BTBD8: variants seen among roughly 807,000 people sequenced by gnomAD.
BTBD8 encodes BTB domain containing 8.
A neutral mutation model predicts 162.9 loss-of-function variants in BTBD8; 110 were observed. The ratio of observed to expected loss-of-function variants is 0.68; its 90% CI spans 0.58 to 0.79. The LOEUF (loss-of-function observed/expected upper bound fraction) is 0.79. Among genes scored for constraint, BTBD8 ranks in the 30% least tolerant of loss-of-function variants. BTBD8 has a pLI of 0.00. For synonymous variants in BTBD8, 667 were observed against 716.1 expected, an observed-to-expected ratio of 0.93 and a Z score of 1.10; for missense variants, 1,905 against 2,085.4, an observed-to-expected ratio of 0.91 and a Z score of 1.68.
chr1:92,117,585 C>T (rs910967981), intron 4 of BTBD8, among the ~76,000 whole-genome samples: 14 of 151,920 alleles, frequency 9.2e-5, no homozygotes, highest in African/African-American at 3.4e-4. Context: ...CTTTGCCAGG[C>T]TTTGTGTAGT....
chr1:92,097,992 G>T (rs1312358852), intron 2 of BTBD8, among the ~76,000 whole-genome samples: 1 of 152,168 alleles, frequency 6.6e-6, no homozygotes, highest in Non-Finnish European at 1.5e-5. Context: ...CTGAAATGTT[G>T]CCAACAAGGG....
rs1650207366 is a variant in BTBD8, at chr1:92,158,373, TC to T, written c.1123-8584del. 8.0e-5 allele frequency among the ~76,000 whole-genome samples: 12 copies of T among 149,536 alleles called. No homozygotes were observed. The Admixed American group carries it at 8.0e-4, about 10-fold the overall frequency. The stretch of plus-strand genomic sequence containing the variant: ...TTAATATTGATATACTAAATTTTTT[TC>T]TCTTTTTTGGTATAACTTCTATATG... On this transcript the variant is annotated intron_variant, in intron 9 of 17. Coordinates refer to ENST00000636805, the MANE Select transcript of BTBD8 (RefSeq NM_001376131.1).
chr1:92,091,227 C>G (rs1648288345), intron 2 of BTBD8, among the ~76,000 whole-genome samples: 1 of 152,142 alleles, frequency 6.6e-6, no homozygotes, highest in Non-Finnish European at 1.5e-5. Flanking sequence ...AGCACCTCCT[C>G]CTTGTTCTCT....
In BTBD8 at chr1:92,181,181, G is replaced by A. The variant is rs916766138; in HGVS notation, c.3498G>A (p.Ser1166=). The change falls in exon 17 of 18, where the codon TCG becomes TCA. Residue 1166 remains serine (S), a synonymous_variant. Transcript: ENST00000636805. ...ATTCTGCTCAAGAAGACAAAAAATC[G>A]AAAGTTCCTGTGGAAGGACTGACAA... ...TLNSAQEDKK[S]KVPVEGLTIP... 6.4e-6 allele frequency: 10 copies of A among 1,551,668 alleles called. No homozygotes were observed. Among genetic ancestry groups the A allele is most frequent in the East Asian group, 2.4e-5 (1 of 40,928 alleles).
chr1:92,183,583 G>C (rs1269734330), intron 17 of BTBD8, among the ~76,000 whole-genome samples: 1 of 151,206 alleles, frequency 6.6e-6, no homozygotes, highest in African/African-American at 2.4e-5. Flanking sequence ...CTATGTTTAT[G>C]TTTAAATGAT....
chr1:92,184,678 G>A lies in BTBD8; in HGVS notation c.*348G>A. 1 of 165,052 alleles carries A rather than the reference G, an allele frequency of 6.1e-6. No individual in the cohort carries two copies. Among genetic ancestry groups the A allele is most frequent in the Non-Finnish European group, 1.3e-5 (1 of 76,076 alleles). The allele number at this position is 165,052 out of a possible 1,614,324, so 10.2% of individuals were successfully genotyped here. A position where few individuals can be genotyped will look rare whatever the true frequency, so the allele number is the denominator to read the frequency against. ...TCCCTTTACTTTTTGCTCTGCATAG[G>A]GTAACATAGTAATTTAACAATAAAA... On this transcript the variant is annotated 3_prime_UTR_variant, in exon 18 of 18. Transcript: ENST00000636805.
chr1:92,139,498 A>G (rs1649716372), intron 6 of BTBD8, 68 bp downstream of exon 6: 3 of 1,555,000 alleles, frequency 1.9e-6, no homozygotes, highest in African/African-American at 2.8e-5. Flanking sequence ...GCTGTGTTGC[A>G]AAGTGTTAAT....
At chr1:92,091,179 A>G (rs954187068) in intron 2 of BTBD8, among the ~76,000 whole-genome samples, 2 of 152,162 alleles carry the variant, frequency 1.3e-5, no homozygotes, top group African/African-American at 4.8e-5. Context: ...TTCTCATGAT[A>G]GTGAGTTCTC....
chr1:92,137,973 T>C (rs1235652371), intron 5 of BTBD8, among the ~76,000 whole-genome samples: 2 of 152,206 alleles, frequency 1.3e-5, no homozygotes, highest in East Asian at 3.8e-4. Flanking sequence ...GGGGTTTTAC[T>C]TGAGAAACAT....
intron 7 of BTBD8, among the ~76,000 whole-genome samples, chr1:92,145,450 A>G (rs1489965028): frequency 6.6e-6 from 1 of 152,246 alleles, no homozygotes; most frequent in Non-Finnish European, 1.5e-5. Flanking sequence ...ATACACATTT[A>G]GAGACTAGAT....
chr1:92,152,040 C>T (rs1030472121), intron 9 of BTBD8, among the ~76,000 whole-genome samples: 1 of 152,122 alleles, frequency 6.6e-6, no homozygotes, highest in African/African-American at 2.4e-5. Flanking sequence ...CTCTACTTCA[C>T]ATATGAGAAA....
chr1:92,174,658 A>G (rs1181998241), intron 13 of BTBD8, among the ~76,000 whole-genome samples: 1 of 152,200 alleles, frequency 6.6e-6, no homozygotes, highest in East Asian at 1.9e-4. Context: ...TGAGCAAGAA[A>G]ACAAAAAATG....
chr1:92,182,311 C>G lies in BTBD8; in HGVS notation c.4628C>G (p.Ser1543Cys). 1 of 1,551,042 alleles carries G rather than the reference C, an allele frequency of 6.4e-7. No individual in the cohort carries two copies. Among genetic ancestry groups the G allele is most frequent in the Non-Finnish European group, 8.7e-7 (1 of 1,146,828 alleles). ...TEKKNTIDVL[S>C]SRSRQLLRED... ...AAAAAGAACACAATAGACGTCCTAT[C>G]CAGTAGAAGCAGACAGCTTCTTCGA... Residue 1543 changes from serine to cysteine, a missense_variant, in exon 17 of 18, where the codon TCC (serine) becomes TGC (cysteine). Around this residue, in one of 3 missense-constraint regions of BTBD8, gnomAD observed 517 missense variants for 606.6 expected, o/e 0.85. Coordinates refer to ENST00000636805, the MANE Select transcript of BTBD8 (RefSeq NM_001376131.1).
At chr1:92,136,436 A>G (rs539947375) in intron 5 of BTBD8, among the ~76,000 whole-genome samples, 2 of 150,524 alleles carry the variant, frequency 1.3e-5, no homozygotes, top group South Asian at 2.1e-4. Context: ...AGCAGATATT[A>G]GGTACTATGC....
At position 92,177,815 on chromosome 1, in the gene BTBD8, A is replaced by G; in HGVS notation, c.2358A>G (p.Ile786Met). ...TCACTTTTTCTTAATTTATAGCCAT[A>G]AAATCTCGACCTGTTTCAAGAGTTA... ...VDSVKNSTVA[I>M]KSRPVSRVTN... is the part of the protein sequence containing the mutation. Residue 786 changes from isoleucine to methionine, a missense_variant, in exon 15 of 18, where the codon ATA (isoleucine) becomes ATG (methionine). Around this residue, in one of 3 missense-constraint regions of BTBD8, gnomAD observed 1,374 missense variants for 1,442.7 expected, o/e 0.95. Transcript: ENST00000636805. The G allele has an allele frequency of 3.9e-6, 6 of 1,525,178 alleles. No individual in the cohort carries two copies. The highest frequency in any genetic ancestry group is 5.3e-6 in the Non-Finnish European group (6 of 1,124,304). The allele number at this position is 1,525,178 out of a possible 1,614,324, so 94.5% of individuals were successfully genotyped here. A position where few individuals can be genotyped will look rare whatever the true frequency, so the allele number is the denominator to read the frequency against.
chr1:92,117,313 T>C (rs1649069756), intron 4 of BTBD8, among the ~76,000 whole-genome samples: 1 of 150,808 alleles, frequency 6.6e-6, no homozygotes, highest in African/African-American at 2.5e-5. Context: ...TGTTTTTGAA[T>C]GTTTGAACTT....
intron 3 of BTBD8, among the ~76,000 whole-genome samples, chr1:92,106,984 G>A (rs1381215341): frequency 4.6e-5 from 7 of 151,972 alleles, no homozygotes; most frequent in African/African-American, 1.7e-4. Flanking sequence ...TAGGGTGGGA[G>A]GATTGGATTG....
In BTBD8 at chr1:92,181,603, C is replaced by G; in HGVS notation, c.3920C>G (p.Pro1307Arg). 1 of 1,551,202 alleles carries G rather than the reference C, an allele frequency of 6.4e-7. No individual in the cohort carries two copies. The highest frequency in any genetic ancestry group is 8.7e-7 in the Non-Finnish European group (1 of 1,146,696). Residue 1307 changes from proline (P) to arginine (R), a missense_variant, in exon 17 of 18, where the codon CCT becomes CGT. Physicochemically the swap from Pro to Arg is moderately radical, Grantham distance 103. Coordinates refer to ENST00000636805, the MANE Select transcript of BTBD8 (RefSeq NM_001376131.1). ...LGRSSSDTST[P>R]EELKIYDSNL... ...AGAAGTAGCAGTGATACCAGTACTC[C>G]TGAAGAATTAAAAATTTATGATAGT...
At chr1:92,167,199 A>T in intron 10 of BTBD8, 59 bp downstream of exon 10, 1 of 1,520,052 alleles carries the variant, frequency 6.6e-7, no homozygotes, top group South Asian at 1.3e-5. Context: ...GATTTCAATT[A>T]TGTAAGAGCT....
Sources: allele counts gnomAD v4.1 joint callset (sites outside exome capture counted in the v4.1 genomes callset), GRCh38; gene constraint gnomAD v4.1.1; regional missense constraint gnomAD v4.1.1; transcripts MANE v1.5; gene names NCBI Gene and HGNC (gene_info 2026-07-23, HGNC 2026-07-21).